Variants in ANK2 observed in about 807,000 individuals in gnomAD.
ANK2 encodes ankyrin 2, also known as ankyrin-2.
Under a neutral mutation model 360.5 loss-of-function variants are expected in ANK2, and 83 were observed. The ratio of observed to expected loss-of-function variants is 0.23; its 90% confidence interval spans 0.19 to 0.28. The LOEUF (loss-of-function observed/expected upper bound fraction) is 0.28. Among genes scored for constraint, ANK2 ranks in the 10% least tolerant of loss-of-function variants. The pLI is 1.00. For synonymous variants in ANK2, 1,740 were observed against 1,759.5 expected, an observed-to-expected ratio of 0.99 and a Z score of 0.28; for missense variants, 4,201 against 4,795.7, an observed-to-expected ratio of 0.88 and a Z score of 3.66.
the ANK2 span, among the ~76,000 whole-genome samples, chr4:112,785,499 G>A: frequency 6.6e-6 from 1 of 151,014 alleles, no homozygotes; most frequent in Non-Finnish European, 1.5e-5. Context: ...TCAGCCTCTC[G>A]AGTAGCTGGG....
intron 1 of ANK2, among the ~76,000 whole-genome samples, chr4:113,111,418 C>T (rs72892006): frequency 0.012 from 1,798 of 152,116 alleles, 34 homozygotes; most frequent in African/African-American, 0.04. Flanking sequence ...GATAAAGGCA[C>T]GACATAAATG....
At chr4:112,722,792 A>G in the ANK2 span, among the ~76,000 whole-genome samples, 2 of 151,956 alleles carry the variant, frequency 1.3e-5, no homozygotes, top group Non-Finnish European at 2.9e-5. Flanking sequence ...CCCCTAGAAA[A>G]GGCCATGTGC....
chr4:112,803,505 T>A, the ANK2 span, among the ~76,000 whole-genome samples: 1 of 152,052 alleles, frequency 6.6e-6, no homozygotes, highest in Non-Finnish European at 1.5e-5. Context: ...AGTCAAAGAA[T>A]GTTGGCTGCC....
chr4:112,749,829 TC>T, the ANK2 span, among the ~76,000 whole-genome samples: 1 of 152,000 alleles, frequency 6.6e-6, no homozygotes, highest in South Asian at 2.1e-4. Flanking sequence ...CACTGCAACC[TC>T]CGCCTCCCAG....
chr4:113,191,046 T>C (rs578003094), intron 2 of ANK2, among the ~76,000 whole-genome samples: 3 of 152,228 alleles, frequency 2.0e-5, no homozygotes, highest in Admixed American at 2.0e-4. Context: ...GGCATTTACA[T>C]AGGAGAGTTG....
chr4:113,197,322 C>T (rs563179740), intron 3 of ANK2, among the ~76,000 whole-genome samples: 1 of 152,294 alleles, frequency 6.6e-6, no homozygotes, highest in Non-Finnish European at 1.5e-5. Context: ...AGAAACTGTT[C>T]CTTGATGCTG....
chr4:113,358,986 C>T lies in ANK2; in HGVS notation c.10368C>T (p.Gly3456=). The change falls in exon 38 of 46, where the codon GGC becomes GGT. Residue 3456 remains glycine, a synonymous_variant. Transcript: ENST00000357077. ...SRSTTSSCRG[G]TSPTKESKEH... ...GCACTACATCTTCCTGCAGGGGGGG[C>T]ACGAGCCCCACAAAAGAAAGTAAGG... 1 of 1,614,068 alleles carries T rather than the reference C, an allele frequency of 6.2e-7. No individual in the cohort carries two copies. The highest frequency in any genetic ancestry group is 2.2e-5 in the East Asian group (1 of 44,856).
the ANK2 span, among the ~76,000 whole-genome samples, chr4:112,729,615 G>T: frequency 5.9e-5 from 9 of 152,078 alleles, no homozygotes; most frequent in Admixed American, 2.6e-4. Flanking sequence ...GGGCATGGTG[G>T]TGCATGCCTG....
intron 2 of ANK2, among the ~76,000 whole-genome samples, chr4:112,911,161 G>C (rs1284834321): frequency 7.4e-6 from 1 of 135,356 alleles, no homozygotes; most frequent in Admixed American, 7.7e-5. Flanking sequence ...GTAGAGACGG[G>C]GTTTCACCAT....
At chr4:113,003,575 A>C (rs1307477073) in intron 2 of ANK2, among the ~76,000 whole-genome samples, 1 of 152,250 alleles carries the variant, frequency 6.6e-6, no homozygotes, top group Non-Finnish European at 1.5e-5. Context: ...GTCAAGAAAT[A>C]AACTGGATAC....
chr4:112,912,952 G>A (rs950008345), intron 2 of ANK2, among the ~76,000 whole-genome samples: 2 of 152,084 alleles, frequency 1.3e-5, no homozygotes, highest in African/African-American at 4.8e-5. Context: ...GTGGTGTGGG[G>A]TAGGGGAAGC....
intron 1 of ANK2, among the ~76,000 whole-genome samples, chr4:112,858,589 C>T (rs1383504835): frequency 6.6e-6 from 1 of 152,158 alleles, no homozygotes; most frequent in Admixed American, 6.5e-5. Context: ...CAGGAGGATT[C>T]TGTTCTTCGC....
At chr4:113,147,833 C>CA (rs774845573) in intron 1 of ANK2, among the ~76,000 whole-genome samples, 100 of 152,210 alleles carry the variant, frequency 6.6e-4, no homozygotes, top group Admixed American at 2.5e-3. Context: ...TTGGCAGCTC[C>CA]AAAAAAGAGG....
intron 2 of ANK2, among the ~76,000 whole-genome samples, chr4:112,921,698 T>G (rs1002511285): frequency 8.6e-5 from 13 of 150,978 alleles, no homozygotes; most frequent in Non-Finnish European, 1.9e-4. Context: ...TTTTTTTTTT[T>G]GCATTATCCA....
intron 37 of ANK2, among the ~76,000 whole-genome samples, chr4:113,352,698 C>G (rs1370180737): frequency 6.6e-6 from 1 of 150,782 alleles, no homozygotes; most frequent in Non-Finnish European, 1.5e-5. Flanking sequence ...CTTGAGATAC[C>G]TCTGTGTAAT....
At chr4:113,362,686 G>A (rs2096290054) in intron 39 of ANK2, among the ~76,000 whole-genome samples, 1 of 152,148 alleles carries the variant, frequency 6.6e-6, no homozygotes, top group Non-Finnish European at 1.5e-5. Flanking sequence ...CTGGCCTCAA[G>A]CAATCCCTAC....
In ANK2 at chr4:113,332,171, C is replaced by G; in HGVS notation, c.3224+101C>G. 3 of 1,047,080 alleles carry G rather than the reference C, an allele frequency of 2.9e-6. No individual in the cohort carries two copies. In the South Asian group the frequency reaches 3.8e-5, roughly 13 times the overall value. 64.9% of individuals were successfully genotyped at this position (1,047,080 alleles called of 1,614,324 possible). A position where few individuals can be genotyped will look rare whatever the true frequency, so the allele number is the denominator to read the frequency against. Reference sequence around the variant, plus strand: ...TTTTGTCATTGTGCCCATGACATGTCCCTTTCTATGATTTAAATTCTGTAT... The same window carrying G: ...TTTTGTCATTGTGCCCATGACATGTGCCTTTCTATGATTTAAATTCTGTAT... On this transcript the variant is annotated intron_variant, in intron 28 of 45. Coordinates refer to ENST00000357077, the MANE Select transcript of ANK2 (RefSeq NM_001148.6).
At chr4:112,993,850 G>A (rs993144556) in intron 2 of ANK2, among the ~76,000 whole-genome samples, 7 of 151,790 alleles carry the variant, frequency 4.6e-5, no homozygotes, top group Non-Finnish European at 1.0e-4. Flanking sequence ...AGGATTACAG[G>A]CACGCACCAC....
chr4:112,964,695 G>A (rs2036472779), intron 2 of ANK2, among the ~76,000 whole-genome samples: 3 of 150,256 alleles, frequency 2.0e-5, no homozygotes, highest in South Asian at 2.1e-4. Flanking sequence ...TCAGCCTACC[G>A]AGTAGCTGGG....
Sources: gnomAD v4.1 joint callset for allele counts (sites outside exome capture counted in the v4.1 genomes callset) on GRCh38, gnomAD v4.1.1 for gene constraint, MANE v1.5 for transcripts, NCBI Gene and HGNC (gene_info 2026-07-23, HGNC 2026-07-21) for gene names.